CFAP47: variants seen among roughly 807,000 people sequenced by gnomAD.
CFAP47 encodes cilia and flagella associated protein 47, also known as cilia- and flagella-associated protein 47.
CFAP47 carries 29 observed loss-of-function variants against 148.1 expected under a neutral mutation model. The ratio of observed to expected loss-of-function variants is 0.20; its 90% CI spans 0.15 to 0.27. The LOEUF (loss-of-function observed/expected upper bound fraction) is 0.27, where lower values mean the gene tolerates loss of function less well. CFAP47 is among the 10% of genes least tolerant of loss of function. The pLI is 1.00. For missense variants in CFAP47, 1,872 were observed against 1,697.5 expected, an observed-to-expected ratio of 1.10 and a Z score of -1.81; for synonymous variants, 664 against 577.3, an observed-to-expected ratio of 1.15 and a Z score of -2.15.
At chrX:36,013,179 G>A (rs1355546032) in intron 21 of CFAP47, among the ~76,000 whole-genome samples, 1 of 111,554 alleles carries the variant, frequency 9.0e-6, no homozygotes, top group Admixed American at 9.6e-5. Context: ...CATGAAGATC[G>A]ACTCTTTCTT....
intron 49 of CFAP47, among the ~76,000 whole-genome samples, chrX:36,254,793 C>A (rs988336511): frequency 3.6e-5 from 4 of 111,172 alleles, no homozygotes; most frequent in Non-Finnish European, 3.8e-5. Flanking sequence ...TACTGAAGGG[C>A]AAGGGAGTTG....
chrX:35,955,267 A>G (rs1423000557), intron 7 of CFAP47, among the ~76,000 whole-genome samples: 2 of 112,113 alleles, frequency 1.8e-5, no homozygotes. Flanking sequence ...TGGCAATTCC[A>G]TCATTTTGGT....
chrX:36,331,242 G>A (rs1556014039), intron 57 of CFAP47, among the ~76,000 whole-genome samples: 1 of 111,260 alleles, frequency 9.0e-6, no homozygotes, highest in African/African-American at 3.3e-5. Flanking sequence ...TTCTTGAAAT[G>A]TTATATTCAC....
chrX:36,172,441 T>G (rs1176967967), intron 39 of CFAP47, among the ~76,000 whole-genome samples: 1 of 108,213 alleles, frequency 9.2e-6, no homozygotes, highest in African/African-American at 3.4e-5. Flanking sequence ...GGGTTTGTCA[T>G]AGATAGCTCT....
chrX:36,117,534 G>T (rs963106317), intron 33 of CFAP47, among the ~76,000 whole-genome samples: 1 of 111,943 alleles, frequency 8.9e-6, no homozygotes, highest in Non-Finnish European at 1.9e-5. Flanking sequence ...TTTGCCATTT[G>T]TATGCTTTCT....
chrX:36,229,614 TTTA>T (rs782315776), intron 46 of CFAP47, among the ~76,000 whole-genome samples: 2 of 111,052 alleles, frequency 1.8e-5, no homozygotes, highest in Non-Finnish European at 1.9e-5. Flanking sequence ...CTTTTTTTAT[TTTA>T]TTATTATTAT....
chrX:35,949,747 T>C (rs1349830054), intron 4 of CFAP47, among the ~76,000 whole-genome samples: 1 of 112,236 alleles, frequency 8.9e-6, no homozygotes, highest in Non-Finnish European at 1.9e-5. Flanking sequence ...GATTTCAATT[T>C]TGTTTGGATT....
chrX:36,285,578 A>G, intron 50 of CFAP47, 51 bp from the exon 51 acceptor site: 1 of 518,987 alleles, frequency 1.9e-6, no homozygotes, highest in Non-Finnish European at 3.3e-6. Flanking sequence ...GTGTATGTTA[A>G]GTATGGTATT....
chrX:36,370,892 T>C (rs1243406610), intron 62 of CFAP47, among the ~76,000 whole-genome samples: 2 of 111,449 alleles, frequency 1.8e-5, no homozygotes, highest in South Asian at 3.8e-4. Context: ...ACATTTTTCT[T>C]GTGTGCTGGG....
At chrX:36,070,627 G>T (rs976325588) in intron 27 of CFAP47, among the ~76,000 whole-genome samples, 1 of 109,410 alleles carries the variant, frequency 9.1e-6, no homozygotes, top group Non-Finnish European at 1.9e-5. Context: ...GAGTAGCTGG[G>T]ACTATAGGCA....
At position 36,228,756 on chromosome X, in the gene CFAP47, GAAC is replaced by G. The variant is rs1940300724; in HGVS notation, c.6950_6952del (p.Gln2317del). ...TTATGTTGAAGGTATTGTGAATGAA[GAAC>G]AACCAGAGGCCAAATTTGAGTTTGA... On this transcript the variant is annotated inframe_deletion, in exon 46 of 64. Transcript: ENST00000378653. 1 of 524,943 alleles carries G rather than the reference GAAC, an allele frequency of 1.9e-6. No individual in the cohort carries two copies. Among genetic ancestry groups the G allele is most frequent in the Non-Finnish European group, 3.5e-6 (1 of 286,364 alleles). The allele number at this position is 524,943 out of a possible 1,213,427, so 43.3% of individuals were successfully genotyped here. A position where few individuals can be genotyped will look rare whatever the true frequency, so the allele number is the denominator to read the frequency against.
intron 26 of CFAP47, among the ~76,000 whole-genome samples, chrX:36,050,805 C>T (rs1054423090): frequency 4.5e-5 from 5 of 111,768 alleles, no homozygotes; most frequent in African/African-American, 1.6e-4. Flanking sequence ...GGCCTGGATG[C>T]CTAAGAGGGA....
chrX:36,106,557 A>G (rs1291825793), intron 33 of CFAP47, among the ~76,000 whole-genome samples: 1 of 111,929 alleles, frequency 8.9e-6, no homozygotes, highest in Non-Finnish European at 1.9e-5. Context: ...GCACACTCCA[A>G]ACAAGAGGAA....
intron 60 of CFAP47, among the ~76,000 whole-genome samples, chrX:36,354,139 T>C (rs1487457761): frequency 2.7e-5 from 3 of 111,857 alleles, no homozygotes; most frequent in African/African-American, 9.7e-5. Context: ...TGTATAATAA[T>C]AATAATGCTT....
At chrX:35,962,176 A>G (rs1479686843) in intron 8 of CFAP47, among the ~76,000 whole-genome samples, 2 of 111,719 alleles carry the variant, frequency 1.8e-5, no homozygotes, top group Non-Finnish European at 3.8e-5. Context: ...TGGTTGGAAA[A>G]CATACTGCAC....
chrX:36,197,566 C>T (rs1939933203), intron 42 of CFAP47, among the ~76,000 whole-genome samples: 1 of 112,117 alleles, frequency 8.9e-6, no homozygotes. Context: ...TATTTTACAT[C>T]TTTAATTGTT....
intron 13 of CFAP47, among the ~76,000 whole-genome samples, chrX:35,974,801 A>G (rs1936543708): frequency 9.0e-6 from 1 of 111,461 alleles, no homozygotes; most frequent in South Asian, 3.8e-4. Flanking sequence ...TAAATTATAG[A>G]TAAGTGAACA....
intron 49 of CFAP47, among the ~76,000 whole-genome samples, chrX:36,266,939 C>T (rs1940900428): frequency 9.0e-6 from 1 of 111,041 alleles, no homozygotes; most frequent in African/African-American, 3.3e-5. Context: ...TGGGCCCTCT[C>T]TTCAACCTCT....
At chrX:36,179,563 A>AAT (rs1939726085) in intron 40 of CFAP47, 141 bp downstream of exon 40, 1 of 262,320 alleles carries the variant, frequency 3.8e-6, no homozygotes, top group Non-Finnish European at 6.7e-6. Context: ...CTCATATCCA[A>AAT]ATATATATTT....
Sources: gnomAD v4.1 joint callset for allele counts (sites outside exome capture counted in the v4.1 genomes callset) on GRCh38, gnomAD v4.1.1 for gene constraint, MANE v1.5 for transcripts, NCBI Gene and HGNC (gene_info 2026-07-23, HGNC 2026-07-21) for gene names.